STARD13: variants seen among roughly 807,000 people sequenced by gnomAD.
STARD13 encodes the protein stAR-related lipid transfer protein 13.
In STARD13, 62 loss-of-function variants were observed where a neutral mutation model predicts 106.4. The observed-to-expected ratio is 0.58, with a 90% CI of 0.48 to 0.72. STARD13 has a LOEUF of 0.72. Among genes scored for constraint, STARD13 ranks in the 30% least tolerant of loss-of-function variants. The probability of loss-of-function intolerance (pLI) is 0.00; values close to 1 mark genes in which losing one functional copy is unlikely to be tolerated. For missense variants in STARD13, 1,387 were observed against 1,424.0 expected, an observed-to-expected ratio of 0.97 and a Z score of 0.42; for synonymous variants, 565 against 553.0, an observed-to-expected ratio of 1.02 and a Z score of -0.31.
intron 1 of STARD13, among the ~76,000 whole-genome samples, chr13:33,312,388 T>C (rs1289593874): frequency 1.3e-5 from 2 of 152,190 alleles, no homozygotes; most frequent in Non-Finnish European, 2.9e-5. Flanking sequence ...AGGGGTGTTT[T>C]GTGCCTATAT....
chr13:33,582,344 A>G, the STARD13 span, among the ~76,000 whole-genome samples: 2 of 152,168 alleles, frequency 1.3e-5, no homozygotes, highest in African/African-American at 4.8e-5. Flanking sequence ...ACTTTTACTC[A>G]TTCTATGTTG....
upstream of STARD13, among the ~76,000 whole-genome samples, chr13:33,352,701 TG>T (rs80175469): frequency 9.5e-4 from 144 of 152,338 alleles, 1 homozygote; most frequent in East Asian, 0.026. Flanking sequence ...CCACCCAGCA[TG>T]GCCCAGCTCT....
At chr13:33,312,432 G>T (rs1391643773) in intron 1 of STARD13, among the ~76,000 whole-genome samples, 3 of 152,020 alleles carry the variant, frequency 2.0e-5, no homozygotes, top group Non-Finnish European at 4.4e-5. Context: ...TGCCTTTCCT[G>T]CTCCACCCCT....
chr13:33,163,498 G>A (rs7326608), intron 3 of STARD13, among the ~76,000 whole-genome samples: 20,031 of 149,514 alleles, frequency 0.13, 1,695 homozygotes, highest in East Asian at 0.28. Flanking sequence ...GCTGTGGCAG[G>A]AGAATCATTT....
upstream of STARD13, among the ~76,000 whole-genome samples, chr13:33,354,477 C>T (rs751903813): frequency 1.3e-5 from 2 of 152,218 alleles, no homozygotes; most frequent in Non-Finnish European, 2.9e-5. Flanking sequence ...ATCAAAGAGC[C>T]AGAGTTCAGT....
the STARD13 span, among the ~76,000 whole-genome samples, chr13:33,656,585 A>G: frequency 6.6e-6 from 1 of 152,218 alleles, no homozygotes. Flanking sequence ...TAGTAGGGAC[A>G]TGGGCCAGAG....
the STARD13 span, among the ~76,000 whole-genome samples, chr13:33,517,675 T>A: frequency 6.6e-6 from 1 of 152,174 alleles, no homozygotes; most frequent in African/African-American, 2.4e-5. Flanking sequence ...AGGAAGTTCA[T>A]AGGCAGTATC....
At chr13:33,551,568 C>CTTTTTTTTTTTTTTTTTT in the STARD13 span, among the ~76,000 whole-genome samples, 95 of 44,794 alleles carry the variant, frequency 2.1e-3, 46 homozygotes, top group East Asian at 7.0e-3. Flanking sequence ...TTTGCTTTTC[C>CTTTTTTTTTTTTTTTTTT]CTTTTTTTTT....
chr13:33,168,825 T>A (rs910014746), intron 1 of STARD13, among the ~76,000 whole-genome samples: 1 of 152,218 alleles, frequency 6.6e-6, no homozygotes, highest in Non-Finnish European at 1.5e-5. Flanking sequence ...ATTTGGTATA[T>A]GTTAGGAAAA....
the STARD13 span, among the ~76,000 whole-genome samples, chr13:33,604,513 G>C: frequency 6.6e-6 from 1 of 152,252 alleles, no homozygotes; most frequent in Non-Finnish European, 1.5e-5. Context: ...AATGCTAAAA[G>C]AGGCCAGGTG....
chr13:33,279,981 A>C (rs1891684171), intron 1 of STARD13: 1 of 150,296 alleles, frequency 6.7e-6, no homozygotes, highest in Non-Finnish European at 1.5e-5. Flanking sequence ...TAAAAAAAAA[A>C]ACAAACAGAC....
chr13:33,631,992 A>G, the STARD13 span, among the ~76,000 whole-genome samples: 2 of 152,234 alleles, frequency 1.3e-5, no homozygotes, highest in Admixed American at 6.5e-5. Flanking sequence ...GGTCACAATA[A>G]AAATTCCTGA....
chr13:33,132,958 C>T (rs564422840), intron 4 of STARD13, among the ~76,000 whole-genome samples: 31 of 152,002 alleles, frequency 2.0e-4, no homozygotes, highest in African/African-American at 6.3e-4. Flanking sequence ...ATAGGCTGAA[C>T]GTTGAACTTA....
At chr13:33,530,953 T>C in the STARD13 span, among the ~76,000 whole-genome samples, 1 of 152,208 alleles carries the variant, frequency 6.6e-6, no homozygotes, top group African/African-American at 2.4e-5. Flanking sequence ...GGTTCCCTAT[T>C]GATATGGTTT....
rs749767059 is a variant in STARD13 at position 33,129,678 on chromosome 13, G to C, written c.999C>G (p.Ser333Arg). 5 of 1,614,020 alleles carry C rather than the reference G, an allele frequency of 3.1e-6. No individual in the cohort carries two copies. The South Asian group carries it at 5.5e-5, about 18-fold the overall frequency. ...CGCTGCTGCTGTGCTCCGACGGGCTGCTCTCGCCACTCGACTTGCCAGAGC... is the reference window on the plus strand; with the variant it reads ...CGCTGCTGCTGTGCTCCGACGGGCTCCTCTCGCCACTCGACTTGCCAGAGC... ...LPCSGKSSGE[S>R]SPSEHSSSGV... Residue 333 changes from serine to arginine, a missense_variant, in exon 5 of 14, where the codon AGC becomes AGG. By Grantham distance (110) the Ser-to-Arg change is moderately radical. Transcript: ENST00000336934.
rs1282225314 is a variant in STARD13, at chr13:33,242,350, A to G, written c.169+43120T>C. Among the ~76,000 whole-genome samples, 5 of 152,192 alleles carry G rather than the reference A, an allele frequency of 3.3e-5. No homozygotes were observed. In the East Asian group the frequency reaches 7.7e-4, roughly 23 times the overall value. On this transcript the variant is annotated intron_variant, in intron 1 of 13. Transcript: ENST00000336934. ...GAAAAGAAAGAGAGATCAGATTGTT[A>G]CTGTGTCTGTGTAGAAAGAAGTAGA... is the stretch of plus-strand genomic sequence containing the variant.
chr13:33,298,350 C>T (rs1057391309), intron 1 of STARD13, among the ~76,000 whole-genome samples: 7 of 150,212 alleles, frequency 4.7e-5, no homozygotes, highest in East Asian at 2.0e-4. Flanking sequence ...CATGTTGGTC[C>T]AGTCTAGAAC....
At chr13:33,587,083 G>T in the STARD13 span, among the ~76,000 whole-genome samples, 1 of 152,074 alleles carries the variant, frequency 6.6e-6, no homozygotes, top group Non-Finnish European at 1.5e-5. Flanking sequence ...GGGTGTGGTG[G>T]CAGGCGCCTG....
the STARD13 span, among the ~76,000 whole-genome samples, chr13:33,475,330 A>C: frequency 6.6e-6 from 1 of 152,172 alleles, no homozygotes; most frequent in Non-Finnish European, 1.5e-5. Flanking sequence ...ATTATTGACA[A>C]AAATTTCTAC....
Sources: gnomAD v4.1 joint callset for allele counts (sites outside exome capture counted in the v4.1 genomes callset) on GRCh38, gnomAD v4.1.1 for gene constraint, MANE v1.5 for transcripts, NCBI Gene and HGNC (gene_info 2026-07-23, HGNC 2026-07-21) for gene names.